ABCC4: variants seen among roughly 807,000 people sequenced by gnomAD.
The protein encoded by ABCC4 is ATP-binding cassette sub-family C member 4.
A neutral mutation model predicts 168.5 loss-of-function variants in ABCC4; 102 were observed. The observed-to-expected ratio is 0.61, with a 90% CI of 0.52 to 0.71. The LOEUF is 0.71. Among genes scored for constraint, ABCC4 ranks in the 30% least tolerant of loss-of-function variants. ABCC4 has a pLI of 0.00. For synonymous variants in ABCC4, 617 were observed against 590.7 expected (o/e 1.04, Z -0.65); for missense variants, 1,402 against 1,605.8 (o/e 0.87, Z 2.17).
chr13:95,280,106 A>G (rs2041078686), intron 1 of ABCC4, among the ~76,000 whole-genome samples: 1 of 152,114 alleles, frequency 6.6e-6, no homozygotes, highest in Admixed American at 6.6e-5. Context: ...CCCGTCACCA[A>G]CTTCTCACAG....
chr13:95,165,575 G>A (rs2037244095), intron 15 of ABCC4, among the ~76,000 whole-genome samples: 1 of 152,228 alleles, frequency 6.6e-6, no homozygotes, highest in African/African-American at 2.4e-5. Flanking sequence ...AGGTGAGTAA[G>A]ATGCAGCTCC....
At chr13:95,282,136 TAAA>T (rs34577420) in intron 1 of ABCC4, among the ~76,000 whole-genome samples, 45 of 139,742 alleles carry the variant, frequency 3.2e-4, no homozygotes, top group South Asian at 1.8e-3. Context: ...GACTCCATCT[TAAA>T]AAAAAAAAAA....
intron 30 of ABCC4, among the ~76,000 whole-genome samples, chr13:95,034,399 C>T (rs1290099102): frequency 6.6e-6 from 1 of 152,218 alleles, no homozygotes; most frequent in Non-Finnish European, 1.5e-5. Context: ...ACACTCGACC[C>T]CCCAACCCCT....
intron 25 of ABCC4, 68 bp from the exon 26 acceptor site, chr13:95,062,927 G>C: frequency 6.5e-7 from 1 of 1,540,532 alleles, no homozygotes; most frequent in Non-Finnish European, 8.7e-7. Flanking sequence ...AGCAAAACTA[G>C]GAGAAAACTT....
At chr13:95,172,670 C>T (rs1014121809) in intron 13 of ABCC4, among the ~76,000 whole-genome samples, 2 of 151,868 alleles carry the variant, frequency 1.3e-5, no homozygotes, top group African/African-American at 2.4e-5. Flanking sequence ...GTGGCTCACA[C>T]CTATAATCCC....
chr13:95,194,890 C>G lies in ABCC4; in HGVS notation c.1209G>C (p.Pro403=). The G allele has an allele frequency of 6.2e-7, 1 of 1,614,070 alleles. No homozygotes were observed. The highest frequency in any genetic ancestry group is 8.5e-7 in the Non-Finnish European group (1 of 1,180,004). The change falls in exon 9 of 31, where the codon CCG becomes CCC. Residue 403 remains proline, a synonymous_variant. Coordinates refer to ENST00000645237, the MANE Select transcript of ABCC4 (RefSeq NM_005845.5). The part of the protein sequence containing the change: ...DEISQRNRQL[P]SDGKKMVHVQ... ...CATGCACCATCTTTTTACCATCTGA[C>G]GGCAGCTGACGGTTGCGCTGTGATA...
intron 4 of ABCC4, among the ~76,000 whole-genome samples, chr13:95,233,384 G>A (rs1043066512): frequency 5.3e-5 from 8 of 150,792 alleles, no homozygotes; most frequent in African/African-American, 9.8e-5. Flanking sequence ...TATCCTAAGC[G>A]AATTAACGCA....
intron 6 of ABCC4, among the ~76,000 whole-genome samples, chr13:95,208,741 C>T (rs1222594059): frequency 2.7e-5 from 4 of 149,944 alleles, no homozygotes; most frequent in African/African-American, 7.4e-5. Flanking sequence ...GTGCCTGAGC[C>T]TCCCAAGTAG....
intron 19 of ABCC4, among the ~76,000 whole-genome samples, chr13:95,140,739 A>G (rs575538341): frequency 2.6e-5 from 4 of 152,284 alleles, no homozygotes; most frequent in South Asian, 2.1e-4. Flanking sequence ...CCTAGTATCT[A>G]TCGATTTCTA....
chr13:95,245,161 C>CAT (rs2040074379), intron 3 of ABCC4, among the ~76,000 whole-genome samples: 1 of 152,224 alleles, frequency 6.6e-6, no homozygotes, highest in African/African-American at 2.4e-5. Flanking sequence ...GCTGGCAGCC[C>CAT]ATGACAGCAT....
intron 19 of ABCC4, among the ~76,000 whole-genome samples, chr13:95,135,261 T>C (rs1444608056): frequency 6.6e-6 from 1 of 152,060 alleles, no homozygotes; most frequent in Non-Finnish European, 1.5e-5. Context: ...TAATTTAGAC[T>C]CGTAAAAGTG....
intron 4 of ABCC4, among the ~76,000 whole-genome samples, chr13:95,215,632 T>C (rs558052680): frequency 6.6e-6 from 1 of 152,246 alleles, no homozygotes; most frequent in South Asian, 2.1e-4. Flanking sequence ...AACATAAAAA[T>C]GTTACACAGA....
At chr13:95,216,225 G>A (rs1471570207) in intron 4 of ABCC4, among the ~76,000 whole-genome samples, 1 of 152,118 alleles carries the variant, frequency 6.6e-6, no homozygotes, top group Admixed American at 6.5e-5. Context: ...AGTTACCAGT[G>A]TTTCTCATTA....
At chr13:95,231,726 A>G (rs2138748015) in intron 4 of ABCC4, among the ~76,000 whole-genome samples, 1 of 152,364 alleles carries the variant, frequency 6.6e-6, no homozygotes, top group South Asian at 2.1e-4. Context: ...TTGACTTCAT[A>G]AAGAGACAAT....
chr13:95,297,502 G>C (rs905165707), intron 1 of ABCC4, among the ~76,000 whole-genome samples: 1 of 152,122 alleles, frequency 6.6e-6, no homozygotes, highest in Non-Finnish European at 1.5e-5. Flanking sequence ...TGATATTTGA[G>C]AAGAAAAGCA....
chr13:95,128,822 A>T (rs2035868853), intron 19 of ABCC4, among the ~76,000 whole-genome samples: 1 of 151,992 alleles, frequency 6.6e-6, no homozygotes, highest in Non-Finnish European at 1.5e-5. Context: ...TTTTAACACA[A>T]CTCCCCATGA....
chr13:95,138,822 C>CT (rs1313619553), intron 19 of ABCC4, among the ~76,000 whole-genome samples: 8 of 152,262 alleles, frequency 5.3e-5, no homozygotes, highest in Non-Finnish European at 1.5e-5. Context: ...AATCCTTTAT[C>CT]TGCCCTGCAT....
intron 29 of ABCC4, among the ~76,000 whole-genome samples, chr13:95,038,679 G>GCA (rs1228132892): frequency 5.3e-5 from 8 of 152,296 alleles, no homozygotes; most frequent in African/African-American, 1.9e-4. Context: ...GTTCACTGTT[G>GCA]CATCTCCATG....
At chr13:95,175,462 G>A (rs1161953011) in intron 13 of ABCC4, among the ~76,000 whole-genome samples, 1 of 152,030 alleles carries the variant, frequency 6.6e-6, no homozygotes, top group Non-Finnish European at 1.5e-5. Context: ...ACAGGCACCC[G>A]CCACCATCCA....
Sources: allele counts gnomAD v4.1 joint callset (sites outside exome capture counted in the v4.1 genomes callset), GRCh38; gene constraint gnomAD v4.1.1; transcripts MANE v1.5; gene names NCBI Gene and HGNC (gene_info 2026-07-23, HGNC 2026-07-21).